ERG: variants seen among roughly 807,000 people sequenced by gnomAD.
The protein encoded by ERG is transcriptional regulator ERG.
Under a neutral mutation model 55.3 loss-of-function variants are expected in ERG, and 9 were observed. That is an observed-to-expected ratio of 0.16 (90% CI 0.10 to 0.28). The LOEUF is 0.28. ERG is among the 10% of genes least tolerant of loss of function. The probability of loss-of-function intolerance (pLI) is 1.00; values close to 1 mark genes in which losing one functional copy is unlikely to be tolerated. For synonymous variants in ERG, 223 were observed against 237.3 expected (o/e 0.94, Z 0.55); for missense variants, 434 against 631.6 (o/e 0.69, Z 3.35).
intron 9 of ERG, among the ~76,000 whole-genome samples, chr21:38,385,951 C>T (rs561169115): frequency 6.6e-6 from 1 of 152,336 alleles, no homozygotes; most frequent in East Asian, 1.9e-4. Flanking sequence ...TCAGCGTCAA[C>T]TTTCTCCCAT....
At position 38,423,578 on chromosome 21, in the gene ERG, A is replaced by G. The variant is rs765235142; in HGVS notation, c.237-17T>C. ...GGAGAGTTCCTGGAGGAGAAGAAAT[A>G]TTCTTCCATTATAACAGCAATCAAA... On this transcript the variant is annotated splice_polypyrimidine_tract_variant and intron_variant, in intron 2 of 9. Transcript: ENST00000288319. The G allele has an allele frequency of 5.6e-6, 9 of 1,598,792 alleles. No individual in the cohort carries two copies. The highest frequency in any genetic ancestry group is 3.4e-5 in the Admixed American group (2 of 59,180).
At chr21:38,484,194 A>G (rs1045393788) in intron 1 of ERG, among the ~76,000 whole-genome samples, 4 of 152,068 alleles carry the variant, frequency 2.6e-5, no homozygotes, top group African/African-American at 9.7e-5. Flanking sequence ...TGAACTCCTG[A>G]GCTCAGACAA....
chr21:38,519,284 T>C (rs1006065081), intron 2 of ERG, among the ~76,000 whole-genome samples: 6 of 152,028 alleles, frequency 3.9e-5, no homozygotes, highest in African/African-American at 9.7e-5. Flanking sequence ...ACGGTAAAGG[T>C]AGAATTTAGT....
chr21:38,577,496 A>G (rs879255886), intron 1 of ERG, among the ~76,000 whole-genome samples: 4 of 152,028 alleles, frequency 2.6e-5, no homozygotes, highest in Non-Finnish European at 5.9e-5. Context: ...AGAGTTACTG[A>G]AAGTACAGAG....
chr21:38,398,550 C>T (rs1043237570), intron 6 of ERG, among the ~76,000 whole-genome samples: 1 of 152,124 alleles, frequency 6.6e-6, no homozygotes, highest in Admixed American at 6.5e-5. Context: ...AATTATGGGC[C>T]CATGGAAGAC....
chr21:38,526,560 C>A (rs1216791176), intron 2 of ERG, among the ~76,000 whole-genome samples: 1 of 152,034 alleles, frequency 6.6e-6, no homozygotes, highest in Non-Finnish European at 1.5e-5. Flanking sequence ...TTAATTTTAG[C>A]AAAATTATCT....
At chr21:38,397,317 G>A (rs1438866106) in intron 6 of ERG, among the ~76,000 whole-genome samples, 1 of 151,942 alleles carries the variant, frequency 6.6e-6, no homozygotes, top group Non-Finnish European at 1.5e-5. Flanking sequence ...GGTAGATTGG[G>A]GGCTGGGCAT....
At position 38,402,639 on chromosome 21, in the gene ERG, TACAAA is replaced by T; in HGVS notation, c.593-7_593-3del. ...CTGAAGTCAAATGTGGAAGAGGAGCTACAAAACAAAACAAAAAGCGACATCAAAAT... is the reference window on the plus strand; with the variant it reads ...CTGAAGTCAAATGTGGAAGAGGAGCTACAAAACAAAAAGCGACATCAAAAT... On this transcript the variant is annotated splice_polypyrimidine_tract_variant and splice_region_variant and intron_variant, in intron 4 of 9. Coordinates refer to ENST00000288319, the MANE Select transcript of ERG (RefSeq NM_182918.4). 7.1e-7 allele frequency: 1 copy of T among 1,406,324 alleles called. No homozygotes were observed. The highest frequency in any genetic ancestry group is 1.4e-5 in the South Asian group (1 of 70,398). 87.1% of individuals were successfully genotyped at this position (1,406,324 alleles called of 1,614,324 possible). A position where few individuals can be genotyped will look rare whatever the true frequency, so the allele number is the denominator to read the frequency against.
chr21:38,537,634 G>GATGGAGGC (rs2059721010), intron 2 of ERG, among the ~76,000 whole-genome samples: 1 of 152,088 alleles, frequency 6.6e-6, no homozygotes, highest in African/African-American at 2.4e-5. Context: ...ATACTTCGTA[G>GATGGAGGC]CCATTAGTAT....
upstream of ERG, among the ~76,000 whole-genome samples, chr21:38,585,529 C>CTTTT (rs1568931635): frequency 7.5e-4 from 17 of 22,676 alleles, no homozygotes; most frequent in Non-Finnish European, 1.7e-3. Context: ...CCCTCTCTCT[C>CTTTT]TTCTTTTTTT....
At chr21:38,558,447 G>A (rs908909451) in intron 2 of ERG, among the ~76,000 whole-genome samples, 3 of 152,152 alleles carry the variant, frequency 2.0e-5, no homozygotes, top group Non-Finnish European at 2.9e-5. Context: ...CTTCTCTCAA[G>A]GTCCTTGTCA....
At chr21:38,578,500 G>A (rs555068288) in intron 1 of ERG, among the ~76,000 whole-genome samples, 87 of 152,128 alleles carry the variant, frequency 5.7e-4, no homozygotes, top group Non-Finnish European at 1.1e-3. Context: ...CAGCCAACAG[G>A]CAGTAGCAGA....
At chr21:38,448,783 C>T (rs541274413) in intron 1 of ERG, among the ~76,000 whole-genome samples, 3 of 152,306 alleles carry the variant, frequency 2.0e-5, no homozygotes, top group Admixed American at 6.5e-5. Flanking sequence ...AATGGACACA[C>T]GCTGCTGCAT....
intron 1 of ERG, among the ~76,000 whole-genome samples, chr21:38,458,316 C>T (rs376948629): frequency 6.0e-5 from 9 of 151,128 alleles, no homozygotes; most frequent in South Asian, 2.1e-4. Flanking sequence ...CCCAGCTACT[C>T]GGTAGGCCGA....
At chr21:38,599,133 A>G (rs1279580654) in intron 1 of ERG, among the ~76,000 whole-genome samples, 1 of 152,152 alleles carries the variant, frequency 6.6e-6, no homozygotes, top group Non-Finnish European at 1.5e-5. Context: ...AAGTTTGCAG[A>G]GGCTGCCTGG....
At chr21:38,593,306 C>A (rs2060112437) in intron 1 of ERG, among the ~76,000 whole-genome samples, 1 of 152,240 alleles carries the variant, frequency 6.6e-6, no homozygotes, top group Admixed American at 6.5e-5. Context: ...TTCTCTCCTG[C>A]TTTACACTGA....
At chr21:38,607,586 A>G (rs900458630) in intron 1 of ERG, among the ~76,000 whole-genome samples, 2 of 152,086 alleles carry the variant, frequency 1.3e-5, no homozygotes, top group Admixed American at 1.3e-4. Flanking sequence ...GTGAGCCCAG[A>G]TTGCGCTGCA....
chr21:38,611,128 C>T (rs2060224516), intron 1 of ERG, among the ~76,000 whole-genome samples: 1 of 152,150 alleles, frequency 6.6e-6, no homozygotes, highest in Non-Finnish European at 1.5e-5. Context: ...GCATCCAAAC[C>T]CTATGCAGAA....
intron 1 of ERG, among the ~76,000 whole-genome samples, chr21:38,592,679 C>T (rs1410257860): frequency 6.6e-6 from 1 of 152,004 alleles, no homozygotes; most frequent in African/African-American, 2.4e-5. Flanking sequence ...TCCTTAGACT[C>T]TTATACAATT....
Sources: allele counts gnomAD v4.1 joint callset (sites outside exome capture counted in the v4.1 genomes callset), GRCh38; gene constraint gnomAD v4.1.1; transcripts MANE v1.5; gene names NCBI Gene and HGNC (gene_info 2026-07-23, HGNC 2026-07-21).